The following CLEC2L variants were observed in gnomAD, a reference collection of about 807,000 sequenced individuals.
CLEC2L encodes the protein C-type lectin domain family 2 member L.
Under a neutral mutation model 23.6 loss-of-function variants are expected in CLEC2L, and 14 were observed. The observed-to-expected ratio is 0.59, with a 90% CI of 0.39 to 0.93. The LOEUF (loss-of-function observed/expected upper bound fraction) is 0.93, where lower values mean the gene tolerates loss of function less well. Ranked by LOEUF, CLEC2L falls within the 40% of genes least tolerant of loss-of-function variation. The pLI is 0.00. For synonymous variants in CLEC2L, 114 were observed against 121.3 expected (o/e 0.94, Z 0.40); for missense variants, 264 against 282.4 (o/e 0.93, Z 0.47).
chr7:139,542,187 A>G, intron 4 of CLEC2L, 66 bp downstream of exon 4: 1 of 1,074,962 alleles, frequency 9.3e-7, no homozygotes, highest in Non-Finnish European at 1.4e-6. Flanking sequence ...CACCCCCTGG[A>G]CACAACTCCC....
chr7:139,529,736 T>C (rs537286328), intron 1 of CLEC2L, among the ~76,000 whole-genome samples: 1 of 152,320 alleles, frequency 6.6e-6, no homozygotes, highest in African/African-American at 2.4e-5. Context: ...ACTGAACACA[T>C]GCATTTTTTC....
intron 3 of CLEC2L, among the ~76,000 whole-genome samples, chr7:139,541,261 G>A (rs910604109): frequency 2.0e-5 from 3 of 151,890 alleles, no homozygotes; most frequent in Non-Finnish European, 4.4e-5. Flanking sequence ...CACCCGCCTA[G>A]GCCTCCCAAA....
rs558762251 is a variant in CLEC2L at position 139,533,394 on chromosome 7, C to T, written c.191-2880C>T. ...TTTTGGAGACAGAGTCTCGCTTTGT[C>T]GCTCAGACTGGAGTGCACTGATGCG... On this transcript the variant is annotated intron_variant, in intron 1 of 4. Coordinates refer to ENST00000422142, the MANE Select transcript of CLEC2L (RefSeq NM_001080511.4). 8.5e-5 allele frequency among the ~76,000 whole-genome samples: 13 copies of T among 152,288 alleles called. No individual in the cohort carries two copies. The East Asian group carries it at 1.7e-3, about 20-fold the overall frequency.
intron 1 of CLEC2L, among the ~76,000 whole-genome samples, 189 bp downstream of exon 1, chr7:139,524,306 G>A (rs1294047314): frequency 2.2e-5 from 3 of 138,864 alleles, no homozygotes; most frequent in Non-Finnish European, 4.7e-5. Context: ...GGGTGGGAGG[G>A]AACCGGGGGC....
intron 1 of CLEC2L, among the ~76,000 whole-genome samples, chr7:139,524,640 C>T (rs1208770276): frequency 6.6e-6 from 1 of 152,152 alleles, no homozygotes; most frequent in Non-Finnish European, 1.5e-5. Flanking sequence ...GGTCAGGGGT[C>T]ACACCTACTC....
In CLEC2L at chr7:139,535,781, G is replaced by A. The variant is rs75510790; in HGVS notation, c.191-493G>A. ...AAAGATTCAGTAGCAGGGCTGTGAG[G>A]GCTGAACGGGTTATTTTGAGGAACC... On this transcript the variant is annotated intron_variant, in intron 1 of 4. Transcript: ENST00000422142. Among the ~76,000 whole-genome samples the A allele has an allele frequency of 4.5e-3, 683 of 152,294 alleles. 5 individuals are homozygous for A. Among genetic ancestry groups the A allele is most frequent in the African/African-American group, 0.015 (642 of 41,568 alleles).
intron 3 of CLEC2L, among the ~76,000 whole-genome samples, chr7:139,541,342 A>T (rs879249782): frequency 6.6e-6 from 1 of 152,182 alleles, no homozygotes; most frequent in African/African-American, 2.4e-5. Flanking sequence ...AAAAAAAAGA[A>T]TTACAAATTA....
At chr7:139,543,687 C>T (rs930092264) in intron 4 of CLEC2L, among the ~76,000 whole-genome samples, 7 of 152,228 alleles carry the variant, frequency 4.6e-5, no homozygotes, top group Non-Finnish European at 4.4e-5. Context: ...TCATTGCAGC[C>T]TACCCCTAAC....
chr7:139,540,348 C>T lies in CLEC2L; in HGVS notation c.293C>T (p.Ala98Val), dbSNP rs763097702. The T allele has an allele frequency of 3.1e-6, 5 of 1,611,264 alleles. No individual in the cohort carries two copies. Among genetic ancestry groups the T allele is most frequent in the East Asian group, 4.5e-5 (2 of 44,828 alleles). Residue 98 changes from alanine to valine, a missense_variant, in exon 3 of 5, where the codon GCG becomes GTG. Transcript: ENST00000422142. This position sits in a 1 kb window ranked among gnomAD's most constrained non-coding sequence, Gnocchi z 5.8. The stretch of plus-strand genomic sequence containing the variant: ...TCCAAGGGCTGCATCAAGTGCGAAG[C>T]GCCCTGCCCGGAGGACTGGCTGCTC... ...LASKGCIKCE[A>V]PCPEDWLLYG...
chr7:139,535,426 A>C (rs890172259), intron 1 of CLEC2L, among the ~76,000 whole-genome samples: 6 of 152,194 alleles, frequency 3.9e-5, no homozygotes, highest in Non-Finnish European at 7.3e-5. Context: ...ATGATGAAAA[A>C]GTTTGCAAAC....
intron 1 of CLEC2L, among the ~76,000 whole-genome samples, chr7:139,524,532 G>C (rs1220262221): frequency 1.3e-5 from 2 of 152,244 alleles, no homozygotes; most frequent in East Asian, 3.9e-4. Context: ...GGTGGTGCCC[G>C]CCCCTGTGAG....
At chr7:139,542,671 G>T (rs73477444) in intron 4 of CLEC2L, among the ~76,000 whole-genome samples, 4 of 152,232 alleles carry the variant, frequency 2.6e-5, no homozygotes, top group Non-Finnish European at 4.4e-5. Flanking sequence ...ACTGGCGAAC[G>T]CATCTCTTGA....
chr7:139,532,759 C>T lies in CLEC2L; in HGVS notation c.191-3515C>T, dbSNP rs145300158. 3.3e-5 allele frequency among the ~76,000 whole-genome samples: 5 copies of T among 152,270 alleles called. No individual in the cohort carries two copies. The East Asian group carries it at 9.6e-4, about 29-fold the overall frequency. On this transcript the variant is annotated intron_variant, in intron 1 of 4. Transcript: ENST00000422142. Reference sequence around the variant, plus strand: ...GCTATGTGAGGACTCAGTAAGAAAGCGGCTGTCAGCAAGCCAGGAAGTGGG... The same window carrying T: ...GCTATGTGAGGACTCAGTAAGAAAGTGGCTGTCAGCAAGCCAGGAAGTGGG...
chr7:139,523,775 C>A lies in CLEC2L; in HGVS notation c.-153C>A. 1 of 356,306 alleles carries A rather than the reference C, an allele frequency of 2.8e-6. No homozygotes were observed. Among genetic ancestry groups the A allele is most frequent in the Non-Finnish European group, 3.9e-6 (1 of 256,226 alleles). The allele number at this position is 356,306 out of a possible 1,614,324, so 22.1% of individuals were successfully genotyped here. A position where few individuals can be genotyped will look rare whatever the true frequency, so the allele number is the denominator to read the frequency against. The stretch of plus-strand genomic sequence containing the variant: ...GGCGCAGAGGCTCCAGCGCGGGGAG[C>A]CGGGCTCAGCCCCGGCCTGCCAGCG... On this transcript the variant is annotated 5_prime_UTR_variant, in exon 1 of 5. Coordinates refer to ENST00000422142, the MANE Select transcript of CLEC2L (RefSeq NM_001080511.4). This position sits in a 1 kb window ranked among gnomAD's most constrained non-coding sequence, Gnocchi z 4.1.
chr7:139,540,592 C>A lies in CLEC2L; in HGVS notation c.432+105C>A. 2 of 1,362,006 alleles carry A rather than the reference C, an allele frequency of 1.5e-6. No homozygotes were observed. Among genetic ancestry groups the A allele is most frequent in the Admixed American group, 2.2e-5 (1 of 46,434 alleles). 84.4% of individuals were successfully genotyped at this position (1,362,006 alleles called of 1,614,324 possible). On this transcript the variant is annotated intron_variant, in intron 3 of 4. Coordinates refer to ENST00000422142, the MANE Select transcript of CLEC2L (RefSeq NM_001080511.4). This position sits in a 1 kb window ranked among gnomAD's most constrained non-coding sequence, Gnocchi z 5.8. ...GTAAAGGATGCAGTGTTCCCTGTGA[C>A]ACGTCTCCAAAGCCGCCCACCTGCT...
At position 139,523,858 on chromosome 7, in the gene CLEC2L, C is replaced by T. The variant is rs1319430081; in HGVS notation, c.-70C>T. ...GGGGCCCGCAGGGCGCGCGGAGCGC[C>T]GAGTGCGCGTCGGGCTGGGCCCCGC... On this transcript the variant is annotated 5_prime_UTR_variant, in exon 1 of 5. Coordinates refer to ENST00000422142, the MANE Select transcript of CLEC2L (RefSeq NM_001080511.4). This position sits in a 1 kb window ranked among gnomAD's most constrained non-coding sequence, Gnocchi z 4.1. 1 of 966,440 alleles carries T rather than the reference C, an allele frequency of 1.0e-6. No individual in the cohort carries two copies. Among genetic ancestry groups the T allele is most frequent in the African/African-American group, 1.8e-5 (1 of 56,410 alleles). 59.9% of individuals were successfully genotyped at this position (966,440 alleles called of 1,614,324 possible). A position where few individuals can be genotyped will look rare whatever the true frequency, so the allele number is the denominator to read the frequency against.
At chr7:139,542,199 A>T in intron 4 of CLEC2L, 78 bp downstream of exon 4, 1 of 941,402 alleles carries the variant, frequency 1.1e-6, no homozygotes, top group Non-Finnish European at 1.6e-6. Flanking sequence ...ACAACTCCCG[A>T]AGAGAGAAGC....
At chr7:139,534,269 C>A (rs1024839420) in intron 1 of CLEC2L, 4 of 1,425,130 alleles carry the variant, frequency 2.8e-6, no homozygotes, top group Admixed American at 1.7e-5. Flanking sequence ...CTGATACAGA[C>A]TACCAAGAGG....
intron 1 of CLEC2L, 126 bp downstream of exon 1, chr7:139,524,243 G>C (rs1043924095): frequency 9.7e-7 from 1 of 1,027,834 alleles, no homozygotes; most frequent in Non-Finnish European, 1.2e-6. Flanking sequence ...CGCGGCGCCG[G>C]GACGCGGCGG....
Sources: gnomAD v4.1 joint callset for allele counts (sites outside exome capture counted in the v4.1 genomes callset) on GRCh38, gnomAD v4.1.1 for gene constraint, Gnocchi (gnomAD v3.1) non-coding constraint, MANE v1.5 for transcripts, NCBI Gene and HGNC (gene_info 2026-07-23, HGNC 2026-07-21) for gene names.